The following TBPL1 variants were observed in gnomAD, a reference collection of about 807,000 sequenced individuals.
TBPL1 encodes the protein TATA box-binding protein-like 1.
A neutral mutation model predicts 22.1 loss-of-function variants in TBPL1; 4 were observed. The observed-to-expected ratio is 0.18, with a 90% CI of 0.09 to 0.41. TBPL1 has a LOEUF of 0.41. TBPL1 is among the 10% of genes least tolerant of loss of function. The probability of loss-of-function intolerance (pLI) is 1.00; values close to 1 mark genes in which losing one functional copy is unlikely to be tolerated. For synonymous variants in TBPL1, 64 were observed against 71.0 expected, an observed-to-expected ratio of 0.90 and a Z score of 0.50; for missense variants, 115 against 222.3, an observed-to-expected ratio of 0.52 and a Z score of 3.07.
intron 6 of TBPL1, 145 bp from the exon 7 acceptor site, chr6:133,986,816 A>G (rs987119309): frequency 6.1e-5 from 32 of 524,836 alleles, no homozygotes; most frequent in African/African-American, 6.1e-4. Context: ...GGCTATGTGT[A>G]TAATTATATG....
At chr6:133,985,297 A>AAT (rs3068194) in intron 6 of TBPL1, among the ~76,000 whole-genome samples, 628 of 42,844 alleles carry the variant, frequency 0.015, 21 homozygotes, top group African/African-American at 0.02. Flanking sequence ...AAAAAAAAAA[A>AAT]ATATATATAT....
At chr6:133,980,299 A>T in intron 2 of TBPL1, 39 bp downstream of exon 2, 1 of 1,554,598 alleles carries the variant, frequency 6.4e-7, no homozygotes, top group Non-Finnish European at 8.7e-7. Context: ...TACATAGCCT[A>T]ATTTTATAGT....
chr6:133,965,812 A>G (rs536831859), intron 1 of TBPL1, among the ~76,000 whole-genome samples: 2 of 152,306 alleles, frequency 1.3e-5, no homozygotes, highest in Admixed American at 6.5e-5. Context: ...CTCCATCCAT[A>G]TGAAGAAAGG....
chr6:133,968,534 T>C (rs116346168), intron 1 of TBPL1, among the ~76,000 whole-genome samples: 1,744 of 152,288 alleles, frequency 0.011, 29 homozygotes, highest in African/African-American at 0.038. Flanking sequence ...ATTTGTGAGT[T>C]TTTTTATTCT....
At chr6:133,961,710 C>T (rs1460972325) in intron 1 of TBPL1, among the ~76,000 whole-genome samples, 4 of 152,050 alleles carry the variant, frequency 2.6e-5, no homozygotes, top group East Asian at 3.9e-4. Context: ...GTGATCCATG[C>T]GCCTTGGCCT....
chr6:133,988,429 G>C lies in TBPL1; in HGVS notation c.*1389G>C, dbSNP rs1177025738. On this transcript the variant is annotated 3_prime_UTR_variant, in exon 7 of 7. Coordinates refer to ENST00000237264, the MANE Select transcript of TBPL1 (RefSeq NM_004865.4). Reference sequence around the variant, plus strand: ...TTAGCTTCTCAGGAGAAACTTAATGGGGACAATATTCCAACACAATGTTCC... The same window carrying C: ...TTAGCTTCTCAGGAGAAACTTAATGCGGACAATATTCCAACACAATGTTCC... 1 of 152,064 alleles carries C rather than the reference G, an allele frequency of 6.6e-6. No homozygotes were observed. Among genetic ancestry groups the C allele is most frequent in the Non-Finnish European group, 1.5e-5 (1 of 67,998 alleles). 9.4% of individuals were successfully genotyped at this position (152,064 alleles called of 1,614,324 possible). A position where few individuals can be genotyped will look rare whatever the true frequency, so the allele number is the denominator to read the frequency against.
chr6:133,979,033 A>G (rs1398923390), intron 1 of TBPL1, among the ~76,000 whole-genome samples: 3 of 152,166 alleles, frequency 2.0e-5, no homozygotes, highest in Non-Finnish European at 2.9e-5. Flanking sequence ...ACTTAGTAAA[A>G]ACTGGGGCTT....
intron 4 of TBPL1, among the ~76,000 whole-genome samples, chr6:133,983,192 G>A (rs1776446846): frequency 6.6e-6 from 1 of 152,112 alleles, no homozygotes; most frequent in East Asian, 1.9e-4. Flanking sequence ...ATGGTTTTTG[G>A]TCATCTCAAG....
chr6:133,965,612 T>G (rs571126295), intron 1 of TBPL1, among the ~76,000 whole-genome samples: 39 of 143,104 alleles, frequency 2.7e-4, no homozygotes, highest in South Asian at 4.4e-4. Context: ...GTTTTGTGGG[T>G]TTTTTTTTTT....
At chr6:133,960,308 G>T (rs1167850812) in intron 1 of TBPL1, among the ~76,000 whole-genome samples, 2 of 152,116 alleles carry the variant, frequency 1.3e-5, no homozygotes, top group Non-Finnish European at 2.9e-5. Context: ...TGTACTGAGG[G>T]GGGAGGCCCT....
At chr6:133,970,823 A>G (rs1470912906) in intron 1 of TBPL1, among the ~76,000 whole-genome samples, 2 of 151,836 alleles carry the variant, frequency 1.3e-5, no homozygotes, top group African/African-American at 4.8e-5. Context: ...CTGGTTTTTT[A>G]TTTTTTAATT....
intron 1 of TBPL1, among the ~76,000 whole-genome samples, chr6:133,967,348 G>A (rs150645864): frequency 5.9e-5 from 9 of 152,252 alleles, no homozygotes; most frequent in African/African-American, 1.9e-4. Flanking sequence ...CGGGCAAAAG[G>A]TTAATATTCT....
Position 133,982,542 on chromosome 6 carries a change from G to A in TBPL1, c.136-26G>A, listed in dbSNP as rs747224748. 18 of 1,591,602 alleles carry A rather than the reference G, an allele frequency of 1.1e-5. No individual in the cohort carries two copies. The Admixed American group carries it at 2.9e-4, about 26-fold the overall frequency. On this transcript the variant is annotated intron_variant, in intron 2 of 6. Coordinates refer to ENST00000237264, the MANE Select transcript of TBPL1 (RefSeq NM_004865.4). ...CTTATGTGAAAAATAATGCTTATGA[G>A]GTAATCAGATTTTTTTTCCCCCCAG...
At chr6:133,970,901 G>A (rs1335285163) in intron 1 of TBPL1, among the ~76,000 whole-genome samples, 1 of 152,052 alleles carries the variant, frequency 6.6e-6, no homozygotes, top group Non-Finnish European at 1.5e-5. Context: ...TCAAATCAGG[G>A]TAGGGCATCT....
Position 133,982,860 on chromosome 6 carries a change from C to A in TBPL1, c.262C>A (p.Leu88Met). The A allele has an allele frequency of 6.2e-7, 1 of 1,609,568 alleles. No individual in the cohort carries two copies. The highest frequency in any genetic ancestry group is 1.1e-5 in the South Asian group (1 of 89,588). The change falls in exon 4 of 7, where the codon CTG (leucine) becomes ATG (methionine). Residue 88 changes from leucine (L) to methionine (M), a missense_variant. Coordinates refer to ENST00000237264, the MANE Select transcript of TBPL1 (RefSeq NM_004865.4). ...KFGARRLARSLQKLGFQVIFT... is the reference protein window; with the variant it reads ...KFGARRLARSMQKLGFQVIFT... ...TGGTGCCAGACGCTTAGCCCGTAGT[C>A]TGCAGAAACTAGGTTTTCAGGTAAC...
intron 6 of TBPL1, chr6:133,985,970 T>C (rs1245436689): frequency 6.6e-6 from 1 of 152,136 alleles, no homozygotes; most frequent in Non-Finnish European, 1.5e-5. Context: ...AATAAAACAA[T>C]GCATATGTAA....
At chr6:133,974,975 T>C (rs1776288976) in intron 1 of TBPL1, among the ~76,000 whole-genome samples, 1 of 152,182 alleles carries the variant, frequency 6.6e-6, no homozygotes, top group African/African-American at 2.4e-5. Context: ...GTTATAATTG[T>C]CTTAAATGTT....
At chr6:133,958,621 G>C (rs1434694643) in intron 1 of TBPL1, among the ~76,000 whole-genome samples, 2 of 152,184 alleles carry the variant, frequency 1.3e-5, no homozygotes, top group East Asian at 3.8e-4. Context: ...TTTTAGTTTA[G>C]TTGTGTGGAC....
intron 1 of TBPL1, among the ~76,000 whole-genome samples, chr6:133,962,606 ATAGATGAT>A (rs1583810734): frequency 6.6e-6 from 1 of 152,356 alleles, no homozygotes; most frequent in East Asian, 1.9e-4. Context: ...GATATGCCTA[ATAGATGAT>A]TGGGAATATG....
Sources: gnomAD v4.1 joint callset for allele counts (sites outside exome capture counted in the v4.1 genomes callset) on GRCh38, gnomAD v4.1.1 for gene constraint, MANE v1.5 for transcripts, NCBI Gene and HGNC (gene_info 2026-07-23, HGNC 2026-07-21) for gene names.